PPP1R8: variants seen among roughly 807,000 people sequenced by gnomAD.
The protein encoded by PPP1R8 is protein phosphatase 1 regulatory subunit 8.
In PPP1R8, 4 loss-of-function variants were observed where a neutral mutation model predicts 31.3. The observed-to-expected ratio is 0.13, with a 90% CI of 0.06 to 0.29. The LOEUF (loss-of-function observed/expected upper bound fraction) is 0.29. Ranked by LOEUF, PPP1R8 falls within the 10% of genes least tolerant of loss-of-function variation. The pLI, the probability that PPP1R8 is intolerant of heterozygous loss-of-function variation, is 1.00. For missense variants in PPP1R8, 254 were observed against 440.1 expected (o/e 0.58, Z 3.78); for synonymous variants, 170 against 169.7 (o/e 1.00, Z -0.01).
At position 27,851,300 on chromosome 1, in the gene PPP1R8, A is replaced by G. The variant is rs958220228; in HGVS notation, c.*854A>G. 1 of 323,866 alleles carries G rather than the reference A, an allele frequency of 3.1e-6. No individual in the cohort carries two copies. The highest frequency in any genetic ancestry group is 6.1e-6 in the Non-Finnish European group (1 of 162,722). The allele number at this position is 323,866 out of a possible 1,614,324, so 20.1% of individuals were successfully genotyped here. A position where few individuals can be genotyped will look rare whatever the true frequency, so the allele number is the denominator to read the frequency against. ...GAAGTAACTGGTGTCTCTAAGAGGA[A>G]TTTTTAGATGTCAGTTTGGAGGCTC... On this transcript the variant is annotated 3_prime_UTR_variant, in exon 7 of 7. Transcript: ENST00000311772.
chr1:27,831,058 C>T, intron 1 of PPP1R8, 167 bp downstream of exon 1: 2 of 1,388,962 alleles, frequency 1.4e-6, no homozygotes, highest in East Asian at 2.9e-5. Context: ...GTTGAAGAAC[C>T]GAGAGCCTGG....
At chr1:27,833,993 GA>G (rs1165841792) in intron 2 of PPP1R8, among the ~76,000 whole-genome samples, 1 of 152,152 alleles carries the variant, frequency 6.6e-6, no homozygotes, top group Non-Finnish European at 1.5e-5. Context: ...ATTATTCAAA[GA>G]AATAATTTAG....
intron 6 of PPP1R8, among the ~76,000 whole-genome samples, chr1:27,847,806 A>G (rs983192259): frequency 6.6e-6 from 1 of 152,178 alleles, no homozygotes; most frequent in Non-Finnish European, 1.5e-5. Flanking sequence ...CTCCTCTCCC[A>G]TTTCTCATTC....
rs2089094575 is a variant in PPP1R8, at chr1:27,830,904, G to A, written c.56+13G>A. The A allele has an allele frequency of 6.4e-7, 1 of 1,561,708 alleles. No individual in the cohort carries two copies. The highest frequency in any genetic ancestry group is 1.9e-5 in the Admixed American group (1 of 52,478). On this transcript the variant is annotated intron_variant, in intron 1 of 6. Coordinates refer to ENST00000311772, the MANE Select transcript of PPP1R8 (RefSeq NM_014110.5). ...ACTGCCCAACCTGGTGAGTGGCGGG[G>A]CGGCCAGGGCTAGAGTGGCCCGGCC...
chr1:27,849,058 C>T (rs2089313214), intron 6 of PPP1R8, among the ~76,000 whole-genome samples: 1 of 152,088 alleles, frequency 6.6e-6, no homozygotes, highest in Non-Finnish European at 1.5e-5. Context: ...ATTGGTTTTG[C>T]TCTCAGATTA....
chr1:27,846,105 A>G (rs1410976485), intron 5 of PPP1R8, among the ~76,000 whole-genome samples: 1 of 152,054 alleles, frequency 6.6e-6, no homozygotes, highest in Non-Finnish European at 1.5e-5. Flanking sequence ...TGTTTCTTTC[A>G]ATAACAAGCA....
intron 6 of PPP1R8, among the ~76,000 whole-genome samples, chr1:27,848,061 G>A (rs1018037269): frequency 2.0e-5 from 3 of 152,128 alleles, no homozygotes; most frequent in South Asian, 2.1e-4. Flanking sequence ...TTTATGAGTG[G>A]CAATGGCACA....
rs750250590 is a variant in PPP1R8, at chr1:27,840,963, C to T, written c.272-51C>T. On this transcript the variant is annotated intron_variant, in intron 3 of 6. Coordinates refer to ENST00000311772, the MANE Select transcript of PPP1R8 (RefSeq NM_014110.5). ...GGCGATCATACTCTTCCTTCTAAAA[C>T]TCAGGTTGTTTTTGTTTTCCCCCTT... The T allele has an allele frequency of 3.8e-6, 6 of 1,576,106 alleles. No individual in the cohort carries two copies. In the Admixed American group the frequency reaches 5.0e-5, roughly 13 times the overall value.
chr1:27,836,997 T>C (rs1381375445), intron 2 of PPP1R8, among the ~76,000 whole-genome samples: 1 of 152,194 alleles, frequency 6.6e-6, no homozygotes, highest in African/African-American at 2.4e-5. Context: ...GAAGCAATCT[T>C]ATTACAATTT....
chr1:27,832,890 C>G (rs538236562), intron 2 of PPP1R8, 74 bp downstream of exon 2: 1 of 1,234,390 alleles, frequency 8.1e-7, no homozygotes, highest in South Asian at 1.4e-5. Flanking sequence ...TTTCCACCCC[C>G]TCTCCTGTGC....
In PPP1R8 at chr1:27,850,268, C is replaced by T; in HGVS notation, c.878C>T (p.Pro293Leu). The change falls in exon 7 of 7, where the codon CCA becomes CTA. Residue 293 changes from proline (P) to leucine (L), a missense_variant. This residue lies in a region of PPP1R8 where 105 missense variants were observed against 128.0 expected (regional missense o/e 0.82). Transcript: ENST00000311772. ...GCACTCATCGGTGGCTTGCCCATGC[C>T]ATACCCAAACCTTGCCCCTGATGTG... is the stretch of plus-strand genomic sequence containing the variant. ...GTALIGGLPM[P>L]YPNLAPDVDL... 2 of 1,614,234 alleles carry T rather than the reference C, an allele frequency of 1.2e-6. No individual in the cohort carries two copies. The highest frequency in any genetic ancestry group is 1.7e-6 in the Non-Finnish European group (2 of 1,180,044).
chr1:27,838,627 CTA>C, intron 2 of PPP1R8, 70 bp from the exon 3 acceptor site: 1 of 1,026,354 alleles, frequency 9.7e-7, no homozygotes, highest in Non-Finnish European at 1.3e-6. Context: ...TCAAGATTCT[CTA>C]TTTGGGAGAG....
rs180902964 is a variant in PPP1R8, at chr1:27,843,430, G to A, written c.637+100G>A. The A allele has an allele frequency of 3.5e-5, 50 of 1,444,394 alleles. No individual in the cohort carries two copies. The East Asian group carries it at 1.1e-3, about 32-fold the overall frequency. 89.5% of individuals were successfully genotyped at this position (1,444,394 alleles called of 1,614,324 possible). A position where few individuals can be genotyped will look rare whatever the true frequency, so the allele number is the denominator to read the frequency against. ...CTAGCACTTTGGGAGGCCGAGGAGG[G>A]TGGATCACTTAAGGTCAAGAGTTCA... is the stretch of plus-strand genomic sequence containing the variant. On this transcript the variant is annotated intron_variant, in intron 5 of 6. Coordinates refer to ENST00000311772, the MANE Select transcript of PPP1R8 (RefSeq NM_014110.5).
chr1:27,843,745 G>T (rs1199213733), intron 5 of PPP1R8, among the ~76,000 whole-genome samples: 1 of 152,068 alleles, frequency 6.6e-6, no homozygotes, highest in African/African-American at 2.4e-5. Context: ...TTGAGGCCAG[G>T]ATTTCAAGAC....
In PPP1R8 at chr1:27,832,464, C is replaced by T. The variant is rs189624825; in HGVS notation, c.57-292C>T. Among the ~76,000 whole-genome samples, 139 of 152,288 alleles carry T rather than the reference C, an allele frequency of 9.1e-4. 1 individual carries two copies. Among genetic ancestry groups the T allele is most frequent in the Middle Eastern group, 6.8e-3 (2 of 294 alleles). On this transcript the variant is annotated intron_variant, in intron 1 of 6. Transcript: ENST00000311772. ...GACCACCCCAGCTATCGTACTTGCA[C>T]TCTCTATGCAGTTCTTTCTCTGAGG...
chr1:27,841,067 A>G lies in PPP1R8; in HGVS notation c.325A>G (p.Ile109Val), dbSNP rs1379063914. The change falls in exon 4 of 7, where the codon ATT becomes GTT. Residue 109 changes from isoleucine to valine, a missense_variant. Coordinates refer to ENST00000311772, the MANE Select transcript of PPP1R8 (RefSeq NM_014110.5). ...GTTGGAACCTCACAAGCCTCAGCAA[A>G]TTCCCATCGATTCCACGGTCTCATT... ...IRLEPHKPQQ[I>V]PIDSTVSFGA... 6.2e-7 allele frequency: 1 copy of G among 1,614,038 alleles called. No homozygotes were observed. Among genetic ancestry groups the G allele is most frequent in the Non-Finnish European group, 8.5e-7 (1 of 1,180,022 alleles).
At chr1:27,832,885 A>T in intron 2 of PPP1R8, 69 bp downstream of exon 2, 1 of 1,297,350 alleles carries the variant, frequency 7.7e-7, no homozygotes, top group Non-Finnish European at 1.1e-6. Context: ...TCACTTTTCC[A>T]CCCCCTCTCC....
chr1:27,831,350 C>A, intron 1 of PPP1R8: 1 of 990,052 alleles, frequency 1.0e-6, no homozygotes, highest in Non-Finnish European at 1.2e-6. Flanking sequence ...TGTCTGTCTG[C>A]CACAGAGAAT....
chr1:27,841,015 A>G lies in PPP1R8; in HGVS notation c.273A>G (p.Thr91=). ...CGTTTCTGATTTGGTTATTCCCAGCACACGGCACTTTCTTGGGTCACATTC... is the reference window on the plus strand; with the variant it reads ...CGTTTCTGATTTGGTTATTCCCAGCGCACGGCACTTTCTTGGGTCACATTC... The part of the protein sequence containing the change: ...KRVFLIDLNS[T]HGTFLGHIRL... Residue 91 remains threonine (T), a splice_region_variant and synonymous_variant, in exon 4 of 7, where the codon ACA becomes ACG. Coordinates refer to ENST00000311772, the MANE Select transcript of PPP1R8 (RefSeq NM_014110.5). 3 of 1,614,124 alleles carry G rather than the reference A, an allele frequency of 1.9e-6. No homozygotes were observed. The highest frequency in any genetic ancestry group is 1.1e-5 in the South Asian group (1 of 91,078).
Sources: allele counts gnomAD v4.1 joint callset (sites outside exome capture counted in the v4.1 genomes callset), GRCh38; gene constraint gnomAD v4.1.1; regional missense constraint gnomAD v4.1.1; transcripts MANE v1.5; gene names NCBI Gene and HGNC (gene_info 2026-07-23, HGNC 2026-07-21).